RIMKLB: variants seen among roughly 807,000 people sequenced by gnomAD.
RIMKLB encodes beta-citrylglutamate synthase B.
A neutral mutation model predicts 32.0 loss-of-function variants in RIMKLB; 7 were observed. The observed-to-expected ratio is 0.22, with a 90% CI of 0.12 to 0.41. The LOEUF is 0.41. Among genes scored for constraint, RIMKLB ranks in the 10% least tolerant of loss-of-function variants. The probability of loss-of-function intolerance (pLI) is 1.00; values close to 1 mark genes in which losing one functional copy is unlikely to be tolerated. For missense variants in RIMKLB, 289 were observed against 498.7 expected (o/e 0.58, Z 4.00); for synonymous variants, 172 against 185.1 (o/e 0.93, Z 0.57).
chr12:8,749,830 A>G, intron 2 of RIMKLB, 32 bp from the exon 3 acceptor site: 1 of 1,385,710 alleles, frequency 7.2e-7, no homozygotes, highest in Non-Finnish European at 1.0e-6. Context: ...ATTTCCCTCT[A>G]ATTGTGTTGG....
intron 1 of RIMKLB, among the ~76,000 whole-genome samples, chr12:8,709,557 A>T (rs746187771): frequency 1.3e-5 from 2 of 152,292 alleles, no homozygotes; most frequent in Non-Finnish European, 2.9e-5. Context: ...GAGCACCCCT[A>T]AGAAGGCAAG....
intron 1 of RIMKLB, among the ~76,000 whole-genome samples, chr12:8,711,662 C>T (rs1463304859): frequency 2.0e-5 from 3 of 150,938 alleles, no homozygotes; most frequent in Non-Finnish European, 4.4e-5. Flanking sequence ...AATGCTATCC[C>T]TCCCCCCTCC....
intron 2 of RIMKLB, chr12:8,714,261 CAG>C (rs985104509): frequency 1.4e-5 from 6 of 435,372 alleles, no homozygotes; most frequent in African/African-American, 1.0e-4. Flanking sequence ...ACCTTCAAAA[CAG>C]ATAAACAATA....
At chr12:8,677,255 C>T (rs777436190), upstream of RIMKLB, among the ~76,000 whole-genome samples, 1 of 152,262 alleles carries the variant, frequency 6.6e-6, no homozygotes, top group East Asian at 1.9e-4. Flanking sequence ...GCACAGTGCA[C>T]CCCCACCCTC....
chr12:8,758,184 A>G (rs1219607947), intron 5 of RIMKLB, among the ~76,000 whole-genome samples: 1 of 151,772 alleles, frequency 6.6e-6, no homozygotes, highest in Non-Finnish European at 1.5e-5. Flanking sequence ...TATCTCATCT[A>G]TGAATTGCCT....
chr12:8,755,672 A>T (rs1309841645), intron 5 of RIMKLB, among the ~76,000 whole-genome samples: 1 of 152,024 alleles, frequency 6.6e-6, no homozygotes. Context: ...CAGTGATATG[A>T]CGGATGCTTT....
intron 1 of RIMKLB, among the ~76,000 whole-genome samples, chr12:8,683,330 C>T (rs1466631339): frequency 6.6e-6 from 1 of 152,148 alleles, no homozygotes; most frequent in Admixed American, 6.5e-5. Context: ...TTGTAAGAAA[C>T]CACCAATCTG....
chr12:8,691,546 G>C (rs1392129186), intron 1 of RIMKLB, among the ~76,000 whole-genome samples: 1 of 152,128 alleles, frequency 6.6e-6, no homozygotes, highest in East Asian at 1.9e-4. Context: ...GGAGGCAAAG[G>C]TTGGAGTAGA....
chr12:8,749,562 C>G (rs1182293139), intron 2 of RIMKLB, among the ~76,000 whole-genome samples: 1 of 152,120 alleles, frequency 6.6e-6, no homozygotes, highest in Non-Finnish European at 1.5e-5. Flanking sequence ...CAGATTTGCC[C>G]TTTAAAATAA....
chr12:8,774,756 A>C lies in RIMKLB; in HGVS notation c.*972A>C. ...TTGGTAGTTGGGCATTTAAATAAGGACAAGGAAAAATATTTTTGGGGGCAA... is the reference window on the plus strand; with the variant it reads ...TTGGTAGTTGGGCATTTAAATAAGGCCAAGGAAAAATATTTTTGGGGGCAA... On this transcript the variant is annotated 3_prime_UTR_variant, in exon 6 of 6. Coordinates refer to ENST00000535829, the MANE Select transcript of RIMKLB (RefSeq NM_001297776.2). 2 of 985,746 alleles carry C rather than the reference A, an allele frequency of 2.0e-6. No individual in the cohort carries two copies. Among genetic ancestry groups the C allele is most frequent in the South Asian group, 9.4e-5 (2 of 21,284 alleles). 61.1% of individuals were successfully genotyped at this position (985,746 alleles called of 1,614,324 possible). A position where few individuals can be genotyped will look rare whatever the true frequency, so the allele number is the denominator to read the frequency against.
intron 5 of RIMKLB, among the ~76,000 whole-genome samples, chr12:8,768,505 ATAT>A (rs1303877488): frequency 6.6e-6 from 1 of 152,192 alleles, no homozygotes; most frequent in Non-Finnish European, 1.5e-5. Context: ...AGATTGGCCA[ATAT>A]TATTATTTTT....
downstream of RIMKLB, among the ~76,000 whole-genome samples, chr12:8,778,447 GTGAGCAGTT>G (rs1350764145): frequency 6.6e-6 from 1 of 152,198 alleles, no homozygotes; most frequent in Non-Finnish European, 1.5e-5. Context: ...ACAAGGAGAT[GTGAGCAGTT>G]TGAGATTATC....
chr12:8,714,790 T>A (rs1246420730), intron 2 of RIMKLB, among the ~76,000 whole-genome samples: 1 of 152,174 alleles, frequency 6.6e-6, no homozygotes, highest in Non-Finnish European at 1.5e-5. Flanking sequence ...GAGCATTATA[T>A]GGTGTCATAT....
At chr12:8,735,735 CTGTT>C (rs200389296) in intron 2 of RIMKLB, among the ~76,000 whole-genome samples, 5,195 of 148,114 alleles carry the variant, frequency 0.035, 275 homozygotes, top group African/African-American at 0.12. Context: ...TTTTGTCTGT[CTGTT>C]TGTTTTTTAA....
In RIMKLB at chr12:8,773,557, C is replaced by G; in HGVS notation, c.934C>G (p.Leu312Val). 10 of 1,614,240 alleles carry G rather than the reference C, an allele frequency of 6.2e-6. No homozygotes were observed. The highest frequency in any genetic ancestry group is 3.4e-6 in the Non-Finnish European group (4 of 1,180,030). Reference protein sequence around the residue: ...YAASLLPSGRLTRRMSLLSVV... With the variant: ...YAASLLPSGRVTRRMSLLSVV... The stretch of plus-strand genomic sequence containing the variant: ...CGCCTCCCTTCTACCCTCTGGCCGG[C>G]TCACCCGGCGTATGTCCCTGCTCTC... The change falls in exon 6 of 6, where the codon CTC becomes GTC. Residue 312 changes from leucine to valine, a missense_variant. Physicochemically the swap from Leu to Val is conservative, Grantham distance 32. Transcript: ENST00000535829.
chr12:8,684,130 G>A (rs1942496475), intron 1 of RIMKLB, among the ~76,000 whole-genome samples: 1 of 151,874 alleles, frequency 6.6e-6, no homozygotes, highest in Admixed American at 6.6e-5. Context: ...TATGCCTTTG[G>A]TGTCGTATCT....
intron 2 of RIMKLB, among the ~76,000 whole-genome samples, chr12:8,739,149 G>T (rs1255172011): frequency 4.6e-5 from 7 of 152,172 alleles, no homozygotes; most frequent in African/African-American, 1.7e-4. Flanking sequence ...TTAAACAACA[G>T]AAATTGTTTC....
upstream of RIMKLB, among the ~76,000 whole-genome samples, chr12:8,677,751 T>G (rs1238087249): frequency 6.6e-6 from 1 of 151,052 alleles, no homozygotes; most frequent in Non-Finnish European, 1.5e-5. Context: ...CTTTGCCCTT[T>G]TTTTTTTTCT....
chr12:8,702,571 A>G (rs773804878), intron 1 of RIMKLB, among the ~76,000 whole-genome samples: 3 of 152,364 alleles, frequency 2.0e-5, no homozygotes, highest in South Asian at 2.1e-4. Flanking sequence ...AGTGGAATAT[A>G]GAATTGCTGT....
Sources: allele counts gnomAD v4.1 joint callset (sites outside exome capture counted in the v4.1 genomes callset), GRCh38; gene constraint gnomAD v4.1.1; transcripts MANE v1.5; gene names NCBI Gene and HGNC (gene_info 2026-07-23, HGNC 2026-07-21).